Variants in RPH3A observed in about 807,000 individuals in gnomAD.
RPH3A encodes the protein rabphilin-3A.
A neutral mutation model predicts 102.2 loss-of-function variants in RPH3A; 48 were observed. That is an observed-to-expected ratio of 0.47 (90% CI 0.37 to 0.60). RPH3A has a LOEUF of 0.60. Ranked by LOEUF, RPH3A falls within the 20% of genes least tolerant of loss-of-function variation. The pLI is 0.00. For synonymous variants in RPH3A, 310 were observed against 324.3 expected (o/e 0.96, Z 0.47); for missense variants, 781 against 910.1 (o/e 0.86, Z 1.83).
chr12:112,688,975 A>G (rs1343333632), intron 1 of RPH3A, among the ~76,000 whole-genome samples: 1 of 152,208 alleles, frequency 6.6e-6, no homozygotes, highest in African/African-American at 2.4e-5. Context: ...AAGAAAGACT[A>G]AAATTTAGAT....
Position 112,670,919 on chromosome 12 carries a change from G to C in RPH3A, c.-140+95600G>C, listed in dbSNP as rs1218536454. On this transcript the variant is annotated intron_variant, in intron 1 of 21. Coordinates refer to the RPH3A transcript ENST00000543106. ...AAACAAACCTCACCTGTTGATGTGA[G>C]GATCTGCAAAATCGTGTTGCAAAGG... 2.0e-5 allele frequency among the ~76,000 whole-genome samples: 3 copies of C among 152,230 alleles called. No individual in the cohort carries two copies. In the South Asian group the frequency reaches 6.2e-4, roughly 32 times the overall value.
intron 5 of RPH3A, among the ~76,000 whole-genome samples, chr12:112,851,206 C>A (rs779906420): frequency 6.6e-6 from 1 of 152,098 alleles, no homozygotes; most frequent in Non-Finnish European, 1.5e-5. Flanking sequence ...CTATTATTAT[C>A]CCCATTTTGC....
chr12:112,816,379 A>C (rs1025691667), intron 2 of RPH3A, among the ~76,000 whole-genome samples: 1 of 152,194 alleles, frequency 6.6e-6, no homozygotes. Context: ...TGTGCTGACC[A>C]TTTCCAAAGT....
In RPH3A at chr12:112,868,329, T is replaced by C. The variant is rs535881742; in HGVS notation, c.445-101T>C. On this transcript the variant is annotated intron_variant, in intron 7 of 21. Transcript: ENST00000389385. ...AAAAGTGTGCTGGCTATTGTGTCAGTGTGCTTTGGATGAGGAGGAAAGATA... is the reference window on the plus strand; with the variant it reads ...AAAAGTGTGCTGGCTATTGTGTCAGCGTGCTTTGGATGAGGAGGAAAGATA... The C allele has an allele frequency of 2.0e-5, 23 of 1,173,522 alleles. No homozygotes were observed. The South Asian group carries it at 2.5e-4, about 13-fold the overall frequency. 72.7% of individuals were successfully genotyped at this position (1,173,522 alleles called of 1,614,324 possible).
intron 1 of RPH3A, among the ~76,000 whole-genome samples, chr12:112,767,496 T>C (rs2040898633): frequency 6.6e-6 from 1 of 152,206 alleles, no homozygotes; most frequent in Admixed American, 6.5e-5. Context: ...TGACTCTGTA[T>C]GAAATCAGGG....
chr12:112,657,709 C>T (rs1006789966), intron 1 of RPH3A, among the ~76,000 whole-genome samples: 2 of 151,926 alleles, frequency 1.3e-5, no homozygotes, highest in African/African-American at 2.4e-5. Flanking sequence ...TAATTATGAA[C>T]AGTCCAAAAA....
At chr12:112,741,535 C>T (rs113320879) in intron 1 of RPH3A, among the ~76,000 whole-genome samples, 15 of 152,172 alleles carry the variant, frequency 9.9e-5, no homozygotes, top group African/African-American at 2.4e-4. Flanking sequence ...AGTGAGCTTT[C>T]GACCCCCATG....
intron 2 of RPH3A, among the ~76,000 whole-genome samples, chr12:112,806,549 A>G (rs1170110638): frequency 2.6e-5 from 4 of 152,154 alleles, no homozygotes; most frequent in Non-Finnish European, 5.9e-5. Context: ...GCATTGCTTA[A>G]ACCTGGGAGG....
intron 1 of RPH3A, among the ~76,000 whole-genome samples, chr12:112,695,936 T>A (rs1047890525): frequency 1.3e-5 from 2 of 152,218 alleles, no homozygotes; most frequent in African/African-American, 4.8e-5. Context: ...GGCACACCTA[T>A]CATCTGAGCA....
chr12:112,866,955 A>G (rs936475158), intron 7 of RPH3A, 115 bp downstream of exon 7: 1 of 721,404 alleles, frequency 1.4e-6, no homozygotes, highest in African/African-American at 1.8e-5. Context: ...CATTGACAGA[A>G]CAACCTCAGA....
chr12:112,847,635 C>A, intron 4 of RPH3A, 61 bp from the exon 5 acceptor site: 15 of 1,556,848 alleles, frequency 9.6e-6, no homozygotes, highest in Non-Finnish European at 1.3e-5. Context: ...GTGAGTTTCC[C>A]GGCAGGAATT....
chr12:112,762,314 A>G (rs2040859368), intron 1 of RPH3A, among the ~76,000 whole-genome samples: 1 of 152,154 alleles, frequency 6.6e-6, no homozygotes, highest in South Asian at 2.1e-4. Flanking sequence ...AGAACTTTCT[A>G]TTGCTTGGAG....
chr12:112,628,846 A>C (rs1464243754), intron 1 of RPH3A, among the ~76,000 whole-genome samples: 3 of 152,086 alleles, frequency 2.0e-5, no homozygotes, highest in African/African-American at 7.2e-5. Flanking sequence ...GTCTGCTGTG[A>C]GGGGAACTTG....
intron 2 of RPH3A, among the ~76,000 whole-genome samples, chr12:112,825,846 A>C (rs79602559): frequency 0.051 from 7,729 of 152,302 alleles, 300 homozygotes; most frequent in Non-Finnish European, 0.066. Flanking sequence ...GAGGAAAACT[A>C]AATCAGAGTA....
intron 1 of RPH3A, among the ~76,000 whole-genome samples, chr12:112,713,728 G>A (rs1307570833): frequency 6.6e-6 from 1 of 152,142 alleles, no homozygotes; most frequent in Non-Finnish European, 1.5e-5. Flanking sequence ...TTTGTTCCTT[G>A]AATAAATTAA....
intron 1 of RPH3A, among the ~76,000 whole-genome samples, chr12:112,686,523 T>C (rs1592943264): frequency 6.6e-6 from 1 of 152,126 alleles, no homozygotes; most frequent in East Asian, 1.9e-4. Context: ...CTTGGAAAGG[T>C]GCCACCATAT....
chr12:112,870,100 G>A, intron 10 of RPH3A, 61 bp downstream of exon 10: 9 of 1,502,752 alleles, frequency 6.0e-6, no homozygotes, highest in Non-Finnish European at 8.1e-6. Context: ...AAAAGAATGA[G>A]GGGAACTGTG....
At chr12:112,879,403 T>G (rs1471090594) in intron 14 of RPH3A, among the ~76,000 whole-genome samples, 1 of 152,236 alleles carries the variant, frequency 6.6e-6, no homozygotes, top group African/African-American at 2.4e-5. Flanking sequence ...GGGGTTTCAC[T>G]TATCTGCAAC....
chr12:112,675,772 G>A (rs892758254), intron 1 of RPH3A, among the ~76,000 whole-genome samples: 1 of 152,086 alleles, frequency 6.6e-6, no homozygotes, highest in African/African-American at 2.4e-5. Context: ...CTTAAAAATT[G>A]GATATTTTCA....
Sources: gnomAD v4.1 joint callset for allele counts (sites outside exome capture counted in the v4.1 genomes callset) on GRCh38, gnomAD v4.1.1 for gene constraint, MANE v1.5 for transcripts, NCBI Gene and HGNC (gene_info 2026-07-23, HGNC 2026-07-21) for gene names.